The following GPC3 variants were observed in gnomAD, a reference collection of about 807,000 sequenced individuals.
GPC3 encodes glypican-3.
A neutral mutation model predicts 34.4 loss-of-function variants in GPC3; 3 were observed. That is an observed-to-expected ratio of 0.09 (90% CI 0.04 to 0.23). The LOEUF is 0.23. GPC3 is among the 10% of genes least tolerant of loss of function. The probability of loss-of-function intolerance (pLI) is 1.00; values close to 1 mark genes in which losing one functional copy is unlikely to be tolerated. For synonymous variants in GPC3, 177 were observed against 174.0 expected (o/e 1.02, Z -0.13); for missense variants, 351 against 445.6 (o/e 0.79, Z 1.91).
At chrX:133,758,529 A>T (rs1282692026) in intron 2 of GPC3, among the ~76,000 whole-genome samples, 1 of 110,633 alleles carries the variant, frequency 9.0e-6, no homozygotes, top group Non-Finnish European at 1.9e-5. Context: ...GGGGTAAACA[A>T]CACACACTGG....
intron 2 of GPC3, among the ~76,000 whole-genome samples, chrX:133,809,311 T>C (rs1279297409): frequency 8.9e-6 from 1 of 112,289 alleles, no homozygotes; most frequent in Non-Finnish European, 1.9e-5. Context: ...AATTCATAAC[T>C]TGTTAAGCCA....
chrX:133,857,556 T>C (rs747308765), intron 2 of GPC3, among the ~76,000 whole-genome samples: 3 of 111,745 alleles, frequency 2.7e-5, no homozygotes, highest in Non-Finnish European at 5.6e-5. Flanking sequence ...CAACACATAG[T>C]ATGATTTGGG....
chrX:133,875,469 T>C (rs758307203), intron 2 of GPC3, among the ~76,000 whole-genome samples: 9 of 111,881 alleles, frequency 8.0e-5, no homozygotes, highest in African/African-American at 2.9e-4. Flanking sequence ...AACTTTCTCT[T>C]CCACTATACT....
intron 2 of GPC3, among the ~76,000 whole-genome samples, chrX:133,931,522 G>A (rs1309442782): frequency 9.0e-6 from 1 of 111,192 alleles, no homozygotes; most frequent in Non-Finnish European, 1.9e-5. Flanking sequence ...CAGAAGATAG[G>A]ACATGAACAA....
chrX:133,706,759 T>C (rs746310585), intron 3 of GPC3, among the ~76,000 whole-genome samples: 9 of 110,774 alleles, frequency 8.1e-5, no homozygotes, highest in Non-Finnish European at 1.3e-4. Flanking sequence ...CTGGTGGGAG[T>C]GTAAATTAGT....
chrX:133,828,306 G>A (rs188075439), intron 2 of GPC3, among the ~76,000 whole-genome samples: 1,563 of 110,514 alleles, frequency 0.014, 28 homozygotes, highest in African/African-American at 0.048. Flanking sequence ...ACAGGTGAGC[G>A]CCACCACACC....
intron 2 of GPC3, among the ~76,000 whole-genome samples, chrX:133,897,205 C>A (rs1256324934): frequency 2.4e-5 from 2 of 82,652 alleles, no homozygotes; most frequent in Non-Finnish European, 4.5e-5. Flanking sequence ...CGTGCCCGGC[C>A]TTTTTTTTTT....
intron 2 of GPC3, among the ~76,000 whole-genome samples, chrX:133,875,015 G>A (rs1445942710): frequency 8.9e-6 from 1 of 112,375 alleles, no homozygotes; most frequent in Non-Finnish European, 1.9e-5. Flanking sequence ...TCACTGGCTA[G>A]TGGAGTGTCT....
At chrX:133,702,414 C>A (rs1406298598) in intron 3 of GPC3, among the ~76,000 whole-genome samples, 1 of 111,376 alleles carries the variant, frequency 9.0e-6, no homozygotes, top group Non-Finnish European at 1.9e-5. Context: ...AGTACACATT[C>A]TCTTGACCTA....
chrX:133,874,199 C>T (rs1159528182), intron 2 of GPC3, among the ~76,000 whole-genome samples: 2 of 112,123 alleles, frequency 1.8e-5, no homozygotes, highest in Non-Finnish European at 3.8e-5. Context: ...GTCTCCCAAA[C>T]ATTTTGCAGT....
At chrX:133,912,843 T>C (rs2076206904) in intron 2 of GPC3, among the ~76,000 whole-genome samples, 1 of 111,608 alleles carries the variant, frequency 9.0e-6, no homozygotes. Flanking sequence ...AAAGCACATA[T>C]CACAATGTCT....
In GPC3 at chrX:133,668,607, T is replaced by C. The variant is rs192750749; in HGVS notation, c.1293-6757A>G. ...TCATGGTACTTATACTAGCTGTCAG[T>C]TACTGAGTGCTTTCTCTGTGCCAGA... is the stretch of plus-strand genomic sequence containing the variant. On this transcript the variant is annotated intron_variant, in intron 5 of 7. Transcript: ENST00000370818. Among the ~76,000 whole-genome samples the C allele has an allele frequency of 1.9e-3, 215 of 110,653 alleles. 1 individual carries two copies. The highest frequency in any genetic ancestry group is 6.8e-3 in the African/African-American group (206 of 30,383).
intron 2 of GPC3, among the ~76,000 whole-genome samples, chrX:133,900,208 C>G (rs1280928674): frequency 4.4e-5 from 5 of 112,510 alleles, no homozygotes; most frequent in African/African-American, 6.5e-5. Flanking sequence ...GTAGGCAACC[C>G]CCTAGCAGAG....
At chrX:133,885,055 C>T (rs1333868164) in intron 2 of GPC3, among the ~76,000 whole-genome samples, 1 of 112,035 alleles carries the variant, frequency 8.9e-6, no homozygotes, top group Admixed American at 9.5e-5. Flanking sequence ...GACATTATGA[C>T]CATGGCACTA....
intron 2 of GPC3, among the ~76,000 whole-genome samples, chrX:133,811,139 G>A (rs757005197): frequency 8.9e-6 from 1 of 111,864 alleles, no homozygotes; most frequent in South Asian, 3.8e-4. Context: ...ATCCTTGTTT[G>A]GACAATAATT....
intron 2 of GPC3, among the ~76,000 whole-genome samples, chrX:133,911,612 A>C (rs979296675): frequency 2.7e-5 from 3 of 112,047 alleles, no homozygotes; most frequent in Non-Finnish European, 5.6e-5. Context: ...AGAAACTGAC[A>C]TACCAAATAG....
At chrX:133,786,382 C>T (rs917059093) in intron 2 of GPC3, among the ~76,000 whole-genome samples, 17 of 111,899 alleles carry the variant, frequency 1.5e-4, no homozygotes, top group Non-Finnish European at 2.3e-4. Context: ...GTGACAAGAG[C>T]GAAACTCTGC....
At chrX:133,574,945 G>A (rs1192405385) in intron 7 of GPC3, among the ~76,000 whole-genome samples, 1 of 111,855 alleles carries the variant, frequency 8.9e-6, no homozygotes, top group Non-Finnish European at 1.9e-5. Flanking sequence ...AGCACTTCCT[G>A]TGGGTCTCAG....
At chrX:133,688,098 G>T (rs975104160) in intron 5 of GPC3, among the ~76,000 whole-genome samples, 1 of 112,342 alleles carries the variant, frequency 8.9e-6, no homozygotes, top group African/African-American at 3.2e-5. Flanking sequence ...AGCAATCTGG[G>T]TTCCTTTATC....
Sources: gnomAD v4.1 joint callset for allele counts (sites outside exome capture counted in the v4.1 genomes callset) on GRCh38, gnomAD v4.1.1 for gene constraint, MANE v1.5 for transcripts, NCBI Gene and HGNC (gene_info 2026-07-23, HGNC 2026-07-21) for gene names.